Variants in CNKSR2 observed in about 807,000 individuals in gnomAD.
CNKSR2 encodes the protein CNK homolog protein 2.
Under a neutral mutation model 84.4 loss-of-function variants are expected in CNKSR2, and 14 were observed. That is an observed-to-expected ratio of 0.17 (90% CI 0.11 to 0.26). The LOEUF is 0.26. Ranked by LOEUF, CNKSR2 falls within the 10% of genes least tolerant of loss-of-function variation. CNKSR2 has a pLI of 1.00. For synonymous variants in CNKSR2, 275 were observed against 277.9 expected, an observed-to-expected ratio of 0.99 and a Z score of 0.10; for missense variants, 485 against 771.2, an observed-to-expected ratio of 0.63 and a Z score of 4.40.
At chrX:21,429,059 A>G (rs181031028) in intron 2 of CNKSR2, 1 of 112,339 alleles carries the variant, frequency 8.9e-6, no homozygotes, top group Non-Finnish European at 1.9e-5. Flanking sequence ...GCCACTAGTG[A>G]GGATATAGCT....
chrX:21,472,369 A>T (rs1286626936), intron 5 of CNKSR2, among the ~76,000 whole-genome samples: 1 of 111,602 alleles, frequency 9.0e-6, no homozygotes, highest in African/African-American at 3.3e-5. Flanking sequence ...GTGTGTTAAC[A>T]TTTTTTTCTT....
chrX:21,495,552 G>A (rs1276246315), intron 6 of CNKSR2: 1 of 108,560 alleles, frequency 9.2e-6, no homozygotes, highest in African/African-American at 3.4e-5. Context: ...GAGAGGCCAA[G>A]GCAGGCAGAT....
chrX:21,468,404 T>G (rs1384314416), intron 4 of CNKSR2, among the ~76,000 whole-genome samples: 1 of 111,411 alleles, frequency 9.0e-6, no homozygotes, highest in Non-Finnish European at 1.9e-5. Flanking sequence ...TATTATCCTT[T>G]TAGATGCTCA....
At chrX:21,439,251 C>A (rs1164526860) in intron 3 of CNKSR2, among the ~76,000 whole-genome samples, 1 of 110,858 alleles carries the variant, frequency 9.0e-6, no homozygotes, top group Non-Finnish European at 1.9e-5. Context: ...ACTCATACAG[C>A]ACACTTATAA....
chrX:21,406,553 C>G (rs972950603), intron 1 of CNKSR2, among the ~76,000 whole-genome samples: 6 of 111,298 alleles, frequency 5.4e-5, no homozygotes, highest in African/African-American at 2.0e-4. Context: ...CTATGTATCT[C>G]CATTATTTAG....
intron 4 of CNKSR2, among the ~76,000 whole-genome samples, chrX:21,445,801 G>A (rs749253852): frequency 8.9e-5 from 10 of 111,833 alleles, no homozygotes; most frequent in Admixed American, 1.9e-4. Context: ...TGGCTGAATA[G>A]TATTCCATTG....
intron 20 of CNKSR2, among the ~76,000 whole-genome samples, chrX:21,616,913 T>C (rs1167738139): frequency 8.9e-6 from 1 of 111,759 alleles, no homozygotes; most frequent in Non-Finnish European, 1.9e-5. Context: ...AAATAACCAG[T>C]AGCCCTGCAT....
intron 1 of CNKSR2, 46 bp from the exon 2 acceptor site, chrX:21,426,451 G>T: frequency 7.9e-6 from 9 of 1,139,909 alleles, no homozygotes; most frequent in African/African-American, 1.8e-5. Flanking sequence ...CATTTATTTG[G>T]TTTGACCATG....
At chrX:21,472,169 A>G (rs1263902541) in intron 5 of CNKSR2, among the ~76,000 whole-genome samples, 1 of 111,591 alleles carries the variant, frequency 9.0e-6, no homozygotes, top group African/African-American at 3.3e-5. Flanking sequence ...CTATTTTGTC[A>G]ATAACTAAGG....
chrX:21,505,906 G>T (rs2091607979), intron 8 of CNKSR2: 1 of 110,264 alleles, frequency 9.1e-6, no homozygotes, highest in African/African-American at 3.3e-5. Context: ...TTATTTTTTT[G>T]GTTTTTTTCT....
intron 1 of CNKSR2, among the ~76,000 whole-genome samples, chrX:21,415,552 T>C (rs1276408720): frequency 3.0e-5 from 3 of 100,378 alleles, no homozygotes; most frequent in Non-Finnish European, 6.0e-5. Flanking sequence ...CATGCGGTGT[T>C]TGGTTTTTTG....
chrX:21,523,577 A>C (rs1411506786), intron 9 of CNKSR2, among the ~76,000 whole-genome samples: 3 of 110,853 alleles, frequency 2.7e-5, no homozygotes, highest in Non-Finnish European at 5.7e-5. Flanking sequence ...GGATAGGAGA[A>C]GCTATCTTTT....
chrX:21,501,085 G>A (rs1488661123), intron 7 of CNKSR2, among the ~76,000 whole-genome samples: 1 of 110,993 alleles, frequency 9.0e-6, no homozygotes, highest in African/African-American at 3.3e-5. Flanking sequence ...AAATGGAAAG[G>A]ATCACAATAC....
intron 4 of CNKSR2, among the ~76,000 whole-genome samples, chrX:21,462,424 G>GT (rs1357329512): frequency 1.8e-5 from 2 of 111,568 alleles, no homozygotes; most frequent in Non-Finnish European, 1.9e-5. Flanking sequence ...AATTCTAATA[G>GT]TTTTTTCTTG....
At chrX:21,436,791 G>A (rs2090711864) in intron 3 of CNKSR2, among the ~76,000 whole-genome samples, 1 of 110,804 alleles carries the variant, frequency 9.0e-6, no homozygotes, top group African/African-American at 3.3e-5. Context: ...TACTCTCATA[G>A]ATGATCATTA....
chrX:21,407,751 A>G (rs936447669), intron 1 of CNKSR2, among the ~76,000 whole-genome samples: 6 of 111,636 alleles, frequency 5.4e-5, no homozygotes, highest in African/African-American at 9.7e-5. Flanking sequence ...TCATAAGTAA[A>G]GTGTATAAAA....
At chrX:21,406,225 T>A (rs995745357) in intron 1 of CNKSR2, among the ~76,000 whole-genome samples, 2 of 111,337 alleles carry the variant, frequency 1.8e-5, no homozygotes, top group Non-Finnish European at 3.8e-5. Flanking sequence ...GCACTTCTTA[T>A]GAGAATATAA....
Position 21,613,074 on chromosome X carries a change from C to G in CNKSR2, c.2692+3457C>G, listed in dbSNP as rs1012142502. 4.5e-5 allele frequency among the ~76,000 whole-genome samples: 5 copies of G among 111,895 alleles called. No individual in the cohort carries two copies. In the Admixed American group the frequency reaches 4.8e-4, roughly 11 times the overall value. On this transcript the variant is annotated intron_variant, in intron 20 of 21. Transcript: ENST00000379510. The stretch of plus-strand genomic sequence containing the variant: ...GAAAAGACAAGTAATTTCCTGTTAT[C>G]CCAATTAGCAGTTTCAAACCTTACC...
chrX:21,403,334 T>C (rs1279639189), intron 1 of CNKSR2, among the ~76,000 whole-genome samples: 1 of 111,642 alleles, frequency 9.0e-6, no homozygotes, highest in Non-Finnish European at 1.9e-5. Flanking sequence ...TATGCTGTTA[T>C]TACCTTTTAA....
Sources: gnomAD v4.1 joint callset for allele counts (sites outside exome capture counted in the v4.1 genomes callset) on GRCh38, gnomAD v4.1.1 for gene constraint, MANE v1.5 for transcripts, NCBI Gene and HGNC (gene_info 2026-07-23, HGNC 2026-07-21) for gene names.